KIF3C: variants seen among roughly 807,000 people sequenced by gnomAD.
KIF3C encodes the protein kinesin family member 3C.
KIF3C carries 12 observed loss-of-function variants against 67.7 expected under a neutral mutation model. That is an observed-to-expected ratio of 0.18 (90% CI 0.11 to 0.29). KIF3C has a LOEUF of 0.29. KIF3C is among the 10% of genes least tolerant of loss of function. The pLI is 1.00. For missense variants in KIF3C, 789 were observed against 1,059.6 expected (o/e 0.74, Z 3.55); for synonymous variants, 393 against 426.2 (o/e 0.92, Z 0.96).
intron 7 of KIF3C, 28 bp downstream of exon 7, chr2:25,929,277 T>G: frequency 6.2e-7 from 1 of 1,605,932 alleles, no homozygotes; most frequent in Non-Finnish European, 8.5e-7. Flanking sequence ...CTGGGTCCAG[T>G]GCTGCCTGGG....
rs1664607723 is a variant in KIF3C, at chr2:25,981,952, C to T, written c.-35G>A. 2.0e-6 allele frequency: 3 copies of T among 1,493,536 alleles called. No individual in the cohort carries two copies. Among genetic ancestry groups the T allele is most frequent in the Non-Finnish European group, 2.7e-6 (3 of 1,122,220 alleles). The allele number at this position is 1,493,536 out of a possible 1,614,324, so 92.5% of individuals were successfully genotyped here. On this transcript the variant is annotated 5_prime_UTR_variant, in exon 1 of 8. Coordinates refer to ENST00000264712, the MANE Select transcript of KIF3C (RefSeq NM_002254.8). This position sits in a 1 kb window ranked among gnomAD's most constrained non-coding sequence, Gnocchi z 8.2. ...CTGACCTTCCTGCCCCCGAGCCCCT[C>T]CGCAGCCTGGGCGGTCCTGCTATCC...
chr2:25,964,083 G>A (rs1408931659), intron 1 of KIF3C, among the ~76,000 whole-genome samples: 1 of 152,126 alleles, frequency 6.6e-6, no homozygotes, highest in Non-Finnish European at 1.5e-5. Context: ...CTAGGCAGGT[G>A]CATCATTTGA....
intron 1 of KIF3C, among the ~76,000 whole-genome samples, chr2:25,967,718 T>C (rs1664180880): frequency 6.6e-6 from 1 of 152,124 alleles, no homozygotes; most frequent in Non-Finnish European, 1.5e-5. Context: ...CTCATCTACT[T>C]GGGAAGCTGA....
intron 5 of KIF3C, among the ~76,000 whole-genome samples, chr2:25,930,813 A>G (rs2090453119): frequency 1.3e-5 from 2 of 152,124 alleles, no homozygotes; most frequent in Non-Finnish European, 2.9e-5. Flanking sequence ...TACTGGAATT[A>G]CAGGCGTGAG....
At chr2:25,943,609 C>T (rs1366501080) in intron 5 of KIF3C, among the ~76,000 whole-genome samples, 2 of 152,014 alleles carry the variant, frequency 1.3e-5, no homozygotes, top group Admixed American at 6.6e-5. Flanking sequence ...TTTGGGAGGC[C>T]GAGGTGGGCG....
chr2:25,956,427 G>A lies in KIF3C; in HGVS notation c.1563C>T (p.Leu521=), dbSNP rs774520770. ...AAKYKAMESK[L]LIGGRNIMDH... ...CCATGATGTTCCTGCCCCCGATGAG[G>A]AGCTTGCTCTCCATGGCCTGGGGAC... The change falls in exon 2 of 8, where the codon CTC becomes CTT. Residue 521 remains leucine (L), a synonymous_variant. Transcript: ENST00000264712. The A allele has an allele frequency of 5.0e-6, 8 of 1,613,894 alleles. No individual in the cohort carries two copies. The highest frequency in any genetic ancestry group is 3.3e-5 in the Admixed American group (2 of 60,004).
chr2:25,933,668 C>T (rs1313338210), intron 5 of KIF3C, among the ~76,000 whole-genome samples: 1 of 150,910 alleles, frequency 6.6e-6, no homozygotes, highest in Non-Finnish European at 1.5e-5. Context: ...GGGTTAAGAC[C>T]TTGTCTCAAA....
chr2:25,976,620 G>C (rs1159095635), intron 1 of KIF3C, among the ~76,000 whole-genome samples: 5 of 152,046 alleles, frequency 3.3e-5, no homozygotes, highest in Non-Finnish European at 5.9e-5. Flanking sequence ...AATTAGCTGG[G>C]CATGGTGGTG....
At chr2:25,936,943 T>C (rs113093992) in intron 5 of KIF3C, among the ~76,000 whole-genome samples, 1 of 152,356 alleles carries the variant, frequency 6.6e-6, no homozygotes, top group African/African-American at 2.4e-5. Flanking sequence ...TGGGTTTGAA[T>C]GCTGGCTCTG....
At chr2:25,963,196 ATTTTTTTTTT>A (rs1165957083) in intron 1 of KIF3C, among the ~76,000 whole-genome samples, 4 of 43,298 alleles carry the variant, frequency 9.2e-5, no homozygotes, top group African/African-American at 4.1e-4. Flanking sequence ...ATATATATAT[ATTTTTTTTTT>A]TTTTTTTTTT....
intron 1 of KIF3C, among the ~76,000 whole-genome samples, chr2:25,962,302 A>C (rs1222875338): frequency 6.6e-6 from 1 of 152,148 alleles, no homozygotes; most frequent in African/African-American, 2.4e-5. Context: ...CAAAATCACC[A>C]AAGAAATAAA....
rs747383467 is a variant in KIF3C, at chr2:25,929,463, CATT to C, written c.2127_2129del (p.Ile709del). 2 of 1,614,018 alleles carry C rather than the reference CATT, an allele frequency of 1.2e-6. No homozygotes were observed. Among genetic ancestry groups the C allele is most frequent in the Admixed American group, 1.7e-5 (1 of 60,004 alleles). On this transcript the variant is annotated inframe_deletion, in exon 7 of 8. Coordinates refer to ENST00000264712, the MANE Select transcript of KIF3C (RefSeq NM_002254.8). ...GAGGGGACACATCCAACTCCAGAAA[CATT>C]ATGTTTTCAGCCTGTGGTGGGAATA... is the stretch of plus-strand genomic sequence containing the variant.
chr2:25,947,423 T>G (rs1380976719), intron 5 of KIF3C, among the ~76,000 whole-genome samples: 1 of 150,666 alleles, frequency 6.6e-6, no homozygotes, highest in South Asian at 2.1e-4. Flanking sequence ...TTACTAAAAC[T>G]ACAAAAAATT....
Position 25,955,961 on chromosome 2 carries a change from C to CTT in KIF3C, c.1648-299_1648-298insAA, listed in dbSNP as rs1441572038. 6.6e-6 allele frequency among the ~76,000 whole-genome samples: 1 copy of CTT among 152,212 alleles called. No homozygotes were observed. Among genetic ancestry groups the CTT allele is most frequent in the Non-Finnish European group, 1.5e-5 (1 of 68,034 alleles). On this transcript the variant is annotated intron_variant, in intron 2 of 7. Coordinates refer to ENST00000264712, the MANE Select transcript of KIF3C (RefSeq NM_002254.8). The surrounding 1 kb of genome is among the most constrained non-coding windows in gnomAD (Gnocchi z 5.0). ...GAGGCACATCACACTGCCTTCCAAG[C>CTT]TGCCTCACCCTCTCCCCAAGTAGTA...
At chr2:25,976,180 C>A (rs1418007147) in intron 1 of KIF3C, among the ~76,000 whole-genome samples, 1 of 152,134 alleles carries the variant, frequency 6.6e-6, no homozygotes, top group East Asian at 1.9e-4. Flanking sequence ...ACAAAAGGGA[C>A]AATACAATTT....
Position 25,979,993 on chromosome 2 carries a change from G to C in KIF3C, c.1545+380C>G, listed in dbSNP as rs556661768. On this transcript the variant is annotated intron_variant, in intron 1 of 7. Coordinates refer to ENST00000264712, the MANE Select transcript of KIF3C (RefSeq NM_002254.8). ...GTGAGGTTTGAAGATGCTGCAGAGG[G>C]AGGAAGCCTCAGGGGAGGAGGCTGT... Among the ~76,000 whole-genome samples the C allele has an allele frequency of 9.8e-5, 15 of 152,340 alleles. No individual in the cohort carries two copies. In the East Asian group the frequency reaches 2.5e-3, roughly 25 times the overall value.
chr2:25,981,965 G>C lies in KIF3C; in HGVS notation c.-48C>G, dbSNP rs1358465664. On this transcript the variant is annotated 5_prime_UTR_variant, in exon 1 of 8. Coordinates refer to ENST00000264712, the MANE Select transcript of KIF3C (RefSeq NM_002254.8). This position sits in a 1 kb window ranked among gnomAD's most constrained non-coding sequence, Gnocchi z 8.2. ...CCCCGAGCCCCTCCGCAGCCTGGGC[G>C]GTCCTGCTATCCTGCTCGCTAGGTC... 6.9e-7 allele frequency: 1 copy of C among 1,454,948 alleles called. No individual in the cohort carries two copies. Among genetic ancestry groups the C allele is most frequent in the Non-Finnish European group, 9.2e-7 (1 of 1,091,766 alleles). The allele number at this position is 1,454,948 out of a possible 1,614,324, so 90.1% of individuals were successfully genotyped here.
chr2:25,981,154 T>G lies in KIF3C; in HGVS notation c.764A>C (p.Lys255Thr). ...VDLAGSERQN[K>T]AGPNTAGGAA... is the part of the protein sequence containing the mutation. The stretch of plus-strand genomic sequence containing the variant: ...CCCTCCCGCTGTGTTGGGGCCTGCC[T>G]TGTTCTGCCTCTCGCTGCCAGCCAG... Residue 255 changes from lysine to threonine, a missense_variant, in exon 1 of 8, where the codon AAG (lysine) becomes ACG (threonine). Around this residue, in one of 2 missense-constraint regions of KIF3C, gnomAD observed 648 missense variants for 807.8 expected, o/e 0.80. Transcript: ENST00000264712. The surrounding 1 kb of genome is among the most constrained non-coding windows in gnomAD (Gnocchi z 8.2). 6.2e-7 allele frequency: 1 copy of G among 1,614,128 alleles called. No individual in the cohort carries two copies.
intron 5 of KIF3C, among the ~76,000 whole-genome samples, chr2:25,932,243 G>A (rs886683223): frequency 1.4e-4 from 21 of 150,828 alleles, no homozygotes; most frequent in African/African-American, 4.9e-4. Flanking sequence ...CTCATGATCC[G>A]CCCACCTCAG....
Sources: allele counts gnomAD v4.1 joint callset (sites outside exome capture counted in the v4.1 genomes callset), GRCh38; gene constraint gnomAD v4.1.1; regional missense constraint gnomAD v4.1.1; non-coding constraint Gnocchi (gnomAD v3.1); transcripts MANE v1.5; gene names NCBI Gene and HGNC (gene_info 2026-07-23, HGNC 2026-07-21).